Variants in DPF3 observed in about 807,000 individuals in gnomAD.
DPF3 encodes the protein double PHD fingers 3.
A neutral mutation model predicts 56.8 loss-of-function variants in DPF3; 18 were observed. The ratio of observed to expected loss-of-function variants is 0.32; its 90% CI spans 0.22 to 0.47. The LOEUF is 0.47. DPF3 is among the 20% of genes least tolerant of loss of function. The pLI, the probability that DPF3 is intolerant of heterozygous loss-of-function variation, is 1.00. For missense variants in DPF3, 403 were observed against 488.8 expected, an observed-to-expected ratio of 0.82 and a Z score of 1.65; for synonymous variants, 188 against 180.2, an observed-to-expected ratio of 1.04 and a Z score of -0.35.
At chr14:72,788,947 C>T (rs141177158) in intron 1 of DPF3, among the ~76,000 whole-genome samples, 12 of 152,320 alleles carry the variant, frequency 7.9e-5, no homozygotes, top group African/African-American at 2.2e-4. Context: ...GCCATCAGAC[C>T]TGGTTAGGAT....
At chr14:72,652,296 G>A (rs111675260) in intron 8 of DPF3, among the ~76,000 whole-genome samples, 13 of 152,254 alleles carry the variant, frequency 8.5e-5, no homozygotes, top group Non-Finnish European at 1.6e-4. Flanking sequence ...TTGGAGAGGC[G>A]GGTGGTCCCC....
intron 1 of DPF3, among the ~76,000 whole-genome samples, chr14:72,839,340 T>G (rs1001934805): frequency 1.3e-5 from 2 of 152,184 alleles, no homozygotes; most frequent in African/African-American, 4.8e-5. Flanking sequence ...TGAATTTTTA[T>G]CTTAAATACT....
intron 1 of DPF3, among the ~76,000 whole-genome samples, chr14:72,791,548 C>T (rs1020832099): frequency 1.3e-5 from 2 of 152,212 alleles, no homozygotes; most frequent in Non-Finnish European, 1.5e-5. Flanking sequence ...ATGCAGGGGT[C>T]CCCTATGCTC....
intron 2 of DPF3, among the ~76,000 whole-genome samples, chr14:72,760,196 C>A (rs149803794): frequency 1.3e-5 from 2 of 152,102 alleles, no homozygotes; most frequent in African/African-American, 4.8e-5. Flanking sequence ...GATGGCCGGG[C>A]GCGGTGGCTC....
At chr14:72,670,345 A>G (rs1007750858) in intron 8 of DPF3, 2 of 986,286 alleles carry the variant, frequency 2.0e-6, no homozygotes, top group African/African-American at 3.5e-5. Context: ...CAATAACAAA[A>G]CAGCAGCTCT....
In DPF3 at chr14:72,612,993, CGT is replaced by C. The variant is rs59321921; in HGVS notation, c.*6302_*6303del. On this transcript the variant is annotated 3_prime_UTR_variant, in exon 11 of 11. Coordinates refer to ENST00000556509, the MANE Select transcript of DPF3 (RefSeq NM_001280542.3). ...TTTCCCTTTGGTTCATTAAGTAGGG[CGT>C]GTGTGTGTGTGTGTGTGTGTGTGTG... Among the ~76,000 whole-genome samples, 8,227 of 148,904 alleles carry C rather than the reference CGT, an allele frequency of 0.055. 264 individuals carry two copies. Among genetic ancestry groups the C allele is most frequent in the Middle Eastern group, 0.09 (26 of 288 alleles).
intron 1 of DPF3, among the ~76,000 whole-genome samples, chr14:72,779,229 G>A (rs969170508): frequency 2.0e-5 from 3 of 152,302 alleles, no homozygotes; most frequent in Middle Eastern, 3.4e-3. Context: ...TCTGTGACTG[G>A]CAATTTAAAC....
intron 3 of DPF3, among the ~76,000 whole-genome samples, chr14:72,748,013 G>A (rs1308409687): frequency 6.6e-6 from 1 of 152,194 alleles, no homozygotes; most frequent in African/African-American, 2.4e-5. Flanking sequence ...CAGTAGAGTG[G>A]GGCATTGCTG....
chr14:72,858,687 C>G (rs1885264690), intron 1 of DPF3, among the ~76,000 whole-genome samples: 1 of 152,174 alleles, frequency 6.6e-6, no homozygotes, highest in African/African-American at 2.4e-5. Context: ...CCTTAGGTGT[C>G]CCTTCAGGTC....
At position 72,629,304 on chromosome 14, in the gene DPF3, T is replaced by C. The variant is rs865916785; in HGVS notation, c.984+320A>G. On this transcript the variant is annotated intron_variant, in intron 9 of 10. Coordinates refer to ENST00000556509, the MANE Select transcript of DPF3 (RefSeq NM_001280542.3). The stretch of plus-strand genomic sequence containing the variant: ...ATGGTTTACATCAATTCTATTATTC[T>C]CTCTGCCTTTGTATATGTTTGAAAT... Among the ~76,000 whole-genome samples, 42 of 152,374 alleles carry C rather than the reference T, an allele frequency of 2.8e-4. 1 individual carries two copies. The highest frequency in any genetic ancestry group is 1.0e-3 in the African/African-American group (42 of 41,592).
intron 5 of DPF3, 86 bp downstream of exon 5, chr14:72,723,547 C>T (rs1889269855): frequency 8.8e-7 from 1 of 1,138,730 alleles, no homozygotes; most frequent in Non-Finnish European, 1.2e-6. Flanking sequence ...GCCATGATTT[C>T]CATCTAGCTG....
intron 1 of DPF3, among the ~76,000 whole-genome samples, chr14:72,889,994 A>G (rs1297881169): frequency 6.6e-5 from 10 of 152,220 alleles, no homozygotes. Context: ...TTTAATAATA[A>G]TAATTTTTTT....
chr14:72,874,292 C>T (rs2140115486), intron 1 of DPF3, among the ~76,000 whole-genome samples: 1 of 151,806 alleles, frequency 6.6e-6, no homozygotes, highest in Admixed American at 6.6e-5. Context: ...GCCTGGCCAA[C>T]ATAGTGAAAC....
intron 8 of DPF3, among the ~76,000 whole-genome samples, chr14:72,665,776 C>T (rs1159204243): frequency 1.3e-5 from 2 of 152,202 alleles, no homozygotes; most frequent in Non-Finnish European, 2.9e-5. Context: ...TAGGTTATAG[C>T]ATTGCATCGA....
rs138385031 is a variant in DPF3, at chr14:72,609,420, C to T, written c.*9877G>A. On this transcript the variant is annotated 3_prime_UTR_variant, in exon 11 of 11. Transcript: ENST00000556509. The stretch of plus-strand genomic sequence containing the variant: ...GGCTGCTTCCAATCTGTAGGTTCTC[C>T]TGGAGATTGTCACAATCTGCCAGCT... Among the ~76,000 whole-genome samples the T allele has an allele frequency of 8.5e-5, 13 of 152,306 alleles. No individual in the cohort carries two copies. In the East Asian group the frequency reaches 2.5e-3, roughly 29 times the overall value.
chr14:72,741,525 AACC>A (rs1282670330), intron 3 of DPF3, among the ~76,000 whole-genome samples: 1 of 152,234 alleles, frequency 6.6e-6, no homozygotes, highest in Non-Finnish European at 1.5e-5. Flanking sequence ...CCAGGCTGGG[AACC>A]ACAAGGGAAG....
intron 6 of DPF3, among the ~76,000 whole-genome samples, chr14:72,702,123 G>GCA (rs1888191648): frequency 1.3e-5 from 2 of 152,180 alleles, no homozygotes; most frequent in Non-Finnish European, 2.9e-5. Context: ...TGCCCTTGAA[G>GCA]CACGTGACTG....
Position 72,731,953 on chromosome 14 carries a change from A to C in DPF3, c.302-19T>G. On this transcript the variant is annotated intron_variant, in intron 3 of 10. Coordinates refer to ENST00000556509, the MANE Select transcript of DPF3 (RefSeq NM_001280542.3). Reference sequence around the variant, plus strand: ...TCCACTTCTGAAAAACAAAGATAGAAAGGCAGGTCAGGCCACTAGAAGCAG... The same window carrying C: ...TCCACTTCTGAAAAACAAAGATAGACAGGCAGGTCAGGCCACTAGAAGCAG... 2 of 1,564,258 alleles carry C rather than the reference A, an allele frequency of 1.3e-6. No individual in the cohort carries two copies. Among genetic ancestry groups the C allele is most frequent in the Non-Finnish European group, 1.7e-6 (2 of 1,154,394 alleles).
intron 1 of DPF3, among the ~76,000 whole-genome samples, chr14:72,818,125 C>T (rs1188573746): frequency 6.6e-6 from 1 of 151,868 alleles, no homozygotes; most frequent in Non-Finnish European, 1.5e-5. Context: ...CATGTAATCC[C>T]AGCTATTCAA....
Sources: allele counts gnomAD v4.1 joint callset (sites outside exome capture counted in the v4.1 genomes callset), GRCh38; gene constraint gnomAD v4.1.1; transcripts MANE v1.5; gene names NCBI Gene and HGNC (gene_info 2026-07-23, HGNC 2026-07-21).